The following COL6A6 variants were observed in gnomAD, a reference collection of about 807,000 sequenced individuals.
COL6A6 encodes collagen alpha-6(VI) chain.
COL6A6 carries 183 observed loss-of-function variants against 208.6 expected under a neutral mutation model. The observed-to-expected ratio is 0.88, with a 90% confidence interval of 0.78 to 0.99. The LOEUF is 0.99. Among genes scored for constraint, COL6A6 ranks in the 50% least tolerant of loss-of-function variants. The pLI, the probability that COL6A6 is intolerant of heterozygous loss-of-function variation, is 0.00. For missense variants in COL6A6, 2,816 were observed against 2,815.2 expected, an observed-to-expected ratio of 1.00 and a Z score of -0.01; for synonymous variants, 973 against 1,011.8, an observed-to-expected ratio of 0.96 and a Z score of 0.73.
intron 36 of COL6A6, among the ~76,000 whole-genome samples, chr3:130,666,641 C>T (rs1413510577): frequency 6.6e-6 from 1 of 151,906 alleles, no homozygotes; most frequent in African/African-American, 2.4e-5. Context: ...ATAAATGTGT[C>T]TGAAGAGAAA....
chr3:130,579,618 A>T (rs2107990773), intron 8 of COL6A6, among the ~76,000 whole-genome samples: 1 of 152,144 alleles, frequency 6.6e-6, no homozygotes. Flanking sequence ...TCTTATTCCC[A>T]CTGCTGTTAT....
At chr3:130,626,599 G>C in intron 25 of COL6A6, 52 bp downstream of exon 25, 1 of 1,233,064 alleles carries the variant, frequency 8.1e-7, no homozygotes, top group Non-Finnish European at 1.2e-6. Context: ...TTTTAGTTCA[G>C]TAGACATCTG....
intron 22 of COL6A6, among the ~76,000 whole-genome samples, chr3:130,609,952 CTTTT>C (rs1054764231): frequency 2.2e-4 from 26 of 116,270 alleles, no homozygotes; most frequent in African/African-American, 6.1e-4. Context: ...GGAAAGCTCA[CTTTT>C]TTTTTTTTTT....
intron 35 of COL6A6, among the ~76,000 whole-genome samples, chr3:130,664,493 G>C (rs901705750): frequency 3.9e-5 from 6 of 152,002 alleles, no homozygotes; most frequent in Admixed American, 3.9e-4. Flanking sequence ...TCTTTACATG[G>C]TATAAAAAGA....
In COL6A6 at chr3:130,586,577, A is replaced by G. The variant is rs1427281927; in HGVS notation, c.4042A>G (p.Ile1348Val). The change falls in exon 11 of 37, where the codon ATT becomes GTT. Residue 1348 changes from isoleucine (I) to valine (V), a missense_variant. Coordinates refer to ENST00000358511, the MANE Select transcript of COL6A6 (RefSeq NM_001102608.3). ...AAGTGACTTGGCTGATCTTCCCTAT[A>G]TTGAATTTGGGAAAGGATTTGAGTA... Reference protein sequence around the residue: ...DSSDLADLPYIEFGKGFEYRT... With the variant: ...DSSDLADLPYVEFGKGFEYRT... 5 of 1,613,772 alleles carry G rather than the reference A, an allele frequency of 3.1e-6. No homozygotes were observed. The highest frequency in any genetic ancestry group is 2.2e-5 in the East Asian group (1 of 44,868).
At chr3:130,575,945 A>T (rs1462115911) in intron 8 of COL6A6, among the ~76,000 whole-genome samples, 1 of 151,574 alleles carries the variant, frequency 6.6e-6, no homozygotes, top group Non-Finnish European at 1.5e-5. Context: ...AGTGTCCCTT[A>T]TGCCTTTCTC....
At chr3:130,590,952 G>A in intron 12 of COL6A6, 89 bp from the exon 13 acceptor site, 1 of 933,908 alleles carries the variant, frequency 1.1e-6, no homozygotes, top group South Asian at 1.4e-5. Flanking sequence ...TATTCCACAT[G>A]AAGTAAAACT....
intron 1 of COL6A6, among the ~76,000 whole-genome samples, chr3:130,522,759 C>G (rs1489605190): frequency 6.6e-6 from 1 of 152,162 alleles, no homozygotes; most frequent in African/African-American, 2.4e-5. Flanking sequence ...ATCTGTCCTT[C>G]TCACTTCATC....
intron 31 of COL6A6, among the ~76,000 whole-genome samples, chr3:130,644,118 AAAGT>A (rs1448613522): frequency 3.3e-5 from 5 of 152,242 alleles, no homozygotes; most frequent in Admixed American, 6.5e-5. Flanking sequence ...AGGTATTTCA[AAAGT>A]AAGTGTTATT....
Position 130,662,234 on chromosome 3 carries a change from A to T in COL6A6, c.6428A>T (p.Gln2143Leu). 6.2e-7 allele frequency: 1 copy of T among 1,614,046 alleles called. No individual in the cohort carries two copies. Among genetic ancestry groups the T allele is most frequent in the Non-Finnish European group, 8.5e-7 (1 of 1,179,884 alleles). ...CACCCTTTGGATCACCACCTGGTCCAGCTTGGCCGAATTCATAAACCTGAC... is the reference window on the plus strand; with the variant it reads ...CACCCTTTGGATCACCACCTGGTCCTGCTTGGCCGAATTCATAAACCTGAC... ...ASHPLDHHLV[Q>L]LGRIHKPDHS... The change falls in exon 35 of 37, where the codon CAG becomes CTG. Residue 2143 changes from glutamine (Q) to leucine (L), a missense_variant. By Grantham distance (113) the Gln-to-Leu change is moderately radical. Transcript: ENST00000358511.
chr3:130,549,731 C>T (rs1049133368), intron 1 of COL6A6, among the ~76,000 whole-genome samples: 10 of 152,062 alleles, frequency 6.6e-5, no homozygotes, highest in South Asian at 4.2e-4. Context: ...GGGCTCTATT[C>T]GGTTCCATTG....
intron 1 of COL6A6, among the ~76,000 whole-genome samples, chr3:130,535,988 C>T (rs145689511): frequency 2.5e-3 from 382 of 152,290 alleles, no homozygotes; most frequent in African/African-American, 8.6e-3. Flanking sequence ...CAAAGAATTG[C>T]TATGAATACT....
chr3:130,540,061 G>GAA (rs2062324819), intron 1 of COL6A6, among the ~76,000 whole-genome samples: 1 of 152,122 alleles, frequency 6.6e-6, no homozygotes. Context: ...TCTACCACAT[G>GAA]AAAACTGGAA....
chr3:130,639,825 G>A (rs368219358), intron 28 of COL6A6, among the ~76,000 whole-genome samples: 8 of 152,166 alleles, frequency 5.3e-5, no homozygotes, highest in African/African-American at 1.9e-4. Flanking sequence ...ATATCTTTTG[G>A]TCTTTCTTCT....
At chr3:130,531,043 C>G (rs926061886) in intron 1 of COL6A6, among the ~76,000 whole-genome samples, 8 of 17,066 alleles carry the variant, frequency 4.7e-4, no homozygotes, top group East Asian at 2.0e-3. Context: ...CACACAGACA[C>G]ACACACACAC....
chr3:130,566,838 G>A lies in COL6A6; in HGVS notation c.1419G>A (p.Val473=). 1 of 1,614,010 alleles carries A rather than the reference G, an allele frequency of 6.2e-7. No homozygotes were observed. Among genetic ancestry groups the A allele is most frequent in the Non-Finnish European group, 8.5e-7 (1 of 1,179,910 alleles). Residue 473 remains valine (V), a synonymous_variant, in exon 5 of 37, where the codon GTG becomes GTA. Coordinates refer to ENST00000358511, the MANE Select transcript of COL6A6 (RefSeq NM_001102608.3). ...VGMFNIAPHK[V]RVGAVQYADS... Reference sequence around the variant, plus strand: ...TGTTCAACATTGCTCCCCATAAGGTGCGGGTTGGGGCCGTTCAGTATGCTG... The same window carrying A: ...TGTTCAACATTGCTCCCCATAAGGTACGGGTTGGGGCCGTTCAGTATGCTG...
At position 130,565,359 on chromosome 3, in the gene COL6A6, G is replaced by A. The variant is rs751157340; in HGVS notation, c.1027G>A (p.Asp343Asn). The A allele has an allele frequency of 1.2e-6, 2 of 1,613,862 alleles. No individual in the cohort carries two copies. The highest frequency in any genetic ancestry group is 1.3e-5 in the African/African-American group (1 of 74,928). ...GATTGCCGTGCTGGTGACCCACCGA[G>A]ATTCAGAAGACAACGTGACAAAAGC... The part of the protein sequence containing the change: ...PQIAVLVTHR[D>N]SEDNVTKAAV... The change falls in exon 4 of 37, where the codon GAT becomes AAT. Residue 343 changes from aspartate to asparagine, a missense_variant. Asp to Asn is a conservative substitution (Grantham distance 23). Transcript: ENST00000358511.
In COL6A6 at chr3:130,599,310, AT is replaced by A. The variant is rs539622050; in HGVS notation, c.4600-446del. The stretch of plus-strand genomic sequence containing the variant: ...CATCTCAAGTGATCATCTAGTGATC[AT>A]ACAAGTCTTTTTATTATGAGACTTT... On this transcript the variant is annotated intron_variant, in intron 19 of 36. Transcript: ENST00000358511. 5.9e-5 allele frequency among the ~76,000 whole-genome samples: 9 copies of A among 152,348 alleles called. No homozygotes were observed. In the East Asian group the frequency reaches 1.7e-3, roughly 29 times the overall value.
intron 1 of COL6A6, among the ~76,000 whole-genome samples, chr3:130,553,275 G>A (rs986959616): frequency 1.3e-5 from 2 of 152,130 alleles, no homozygotes; most frequent in African/African-American, 4.8e-5. Flanking sequence ...TTCTCTTTCA[G>A]GAATGCCAAT....
Sources: gnomAD v4.1 joint callset for allele counts (sites outside exome capture counted in the v4.1 genomes callset) on GRCh38, gnomAD v4.1.1 for gene constraint, MANE v1.5 for transcripts, NCBI Gene and HGNC (gene_info 2026-07-23, HGNC 2026-07-21) for gene names.